The following NAV2 variants were observed in gnomAD, a reference collection of about 807,000 sequenced individuals.
NAV2 encodes the protein helicase, APC down-regulated 1.
A neutral mutation model predicts 223.2 loss-of-function variants in NAV2; 54 were observed. The observed-to-expected ratio is 0.24, with a 90% confidence interval of 0.19 to 0.30. NAV2 has a LOEUF of 0.30. NAV2 is among the 10% of genes least tolerant of loss of function. The pLI is 1.00. For missense variants in NAV2, 2,806 were observed against 3,147.5 expected, an observed-to-expected ratio of 0.89 and a Z score of 2.60; for synonymous variants, 1,279 against 1,239.3, an observed-to-expected ratio of 1.03 and a Z score of -0.67.
rs569836209 is a variant in NAV2, at chr11:20,085,191, T to C, written c.5498+2012T>C. Among the ~76,000 whole-genome samples the C allele has an allele frequency of 5.1e-4, 39 of 76,410 alleles. No individual in the cohort carries two copies. In the East Asian group the frequency reaches 0.028, roughly 54 times the overall value. 50.1% of individuals were successfully genotyped at this position (76,410 alleles called of 152,430 possible). The stretch of plus-strand genomic sequence containing the variant: ...GGGTGACAGAGTAAGGCCATGTCTC[T>C]ATTTAAAAAAAAAAAAAAAGTTAAA... On this transcript the variant is annotated intron_variant, in intron 26 of 37. Coordinates refer to ENST00000349880, the MANE Select transcript of NAV2 (RefSeq NM_145117.5).
chr11:19,915,331 G>T (rs2043710164), intron 6 of NAV2, among the ~76,000 whole-genome samples: 1 of 152,168 alleles, frequency 6.6e-6, no homozygotes, highest in Non-Finnish European at 1.5e-5. Context: ...ATTGTAGCCA[G>T]GTAAACTTCC....
At chr11:19,624,257 A>G (rs2047096221) in intron 1 of NAV2, among the ~76,000 whole-genome samples, 2 of 152,140 alleles carry the variant, frequency 1.3e-5, no homozygotes, top group Non-Finnish European at 1.5e-5. Flanking sequence ...TCAGATTTCA[A>G]ACTCCATGCT....
At chr11:19,640,643 T>C (rs1019227971) in intron 1 of NAV2, among the ~76,000 whole-genome samples, 9 of 152,100 alleles carry the variant, frequency 5.9e-5, no homozygotes, top group African/African-American at 2.2e-4. Context: ...GGAAAAGAGA[T>C]GTGGTTCTAG....
At chr11:19,416,076 T>A (rs1319790527) in intron 1 of NAV2, among the ~76,000 whole-genome samples, 1 of 152,158 alleles carries the variant, frequency 6.6e-6, no homozygotes, top group East Asian at 1.9e-4. Flanking sequence ...TTCAACATAT[T>A]ATTGGAAGTT....
chr11:19,905,555 C>G (rs568380228), intron 6 of NAV2, among the ~76,000 whole-genome samples: 28 of 152,304 alleles, frequency 1.8e-4, no homozygotes, highest in Non-Finnish European at 3.1e-4. Context: ...TTTCTGTATA[C>G]TAGAGACTCA....
chr11:20,089,278 ACC>A (rs1404881787), intron 26 of NAV2, among the ~76,000 whole-genome samples: 1 of 152,220 alleles, frequency 6.6e-6, no homozygotes, highest in Non-Finnish European at 1.5e-5. Context: ...AGGTGGTTTT[ACC>A]GTGTCTCTCA....
chr11:19,971,420 C>T (rs1301925828), intron 10 of NAV2, among the ~76,000 whole-genome samples: 2 of 151,978 alleles, frequency 1.3e-5, no homozygotes, highest in African/African-American at 4.8e-5. Context: ...GGGTTTGGGA[C>T]CTATTTTGCA....
chr11:19,456,320 C>T (rs903091579), intron 1 of NAV2, among the ~76,000 whole-genome samples: 3 of 152,322 alleles, frequency 2.0e-5, no homozygotes, highest in East Asian at 1.9e-4. Context: ...TGCACAGTCA[C>T]TGTTTCATTG....
Position 19,892,516 on chromosome 11 carries a change from C to T in NAV2, c.853C>T (p.Arg285Cys), listed in dbSNP as rs200244681. Residue 285 changes from arginine (R) to cysteine (C), a missense_variant, in exon 6 of 38, where the codon CGC becomes TGC. Arg to Cys is a radical substitution (Grantham distance 180, BLOSUM62 -3). This residue lies in a region of NAV2 where 1,167 missense variants were observed against 1,180.5 expected (regional missense o/e 0.99). Coordinates refer to ENST00000349880, the MANE Select transcript of NAV2 (RefSeq NM_145117.5). ...AGGGTCAACTACTGCTAACAACCGA[C>T]GCAGCCAGAGCTTTAACAACTATGA... ...RGGSTTANNR[R>C]SQSFNNYDKS... is the part of the protein sequence containing the mutation. 2.1e-4 allele frequency: 346 copies of T among 1,614,220 alleles called. 1 individual carries two copies. The highest frequency in any genetic ancestry group is 2.4e-4 in the Non-Finnish European group (286 of 1,180,032).
chr11:19,651,256 C>T (rs983899286), intron 1 of NAV2, among the ~76,000 whole-genome samples: 9 of 152,146 alleles, frequency 5.9e-5, no homozygotes, highest in South Asian at 2.1e-4. Flanking sequence ...AGCTAATCTC[C>T]AGGGAGAACG....
At chr11:19,935,555 T>C (rs1470422521) in intron 7 of NAV2, among the ~76,000 whole-genome samples, 2 of 152,184 alleles carry the variant, frequency 1.3e-5, no homozygotes, top group Non-Finnish European at 2.9e-5. Flanking sequence ...CTGAGCTGTG[T>C]TCTAGTGGTC....
intron 6 of NAV2, among the ~76,000 whole-genome samples, chr11:19,932,865 T>TAATTGAAA (rs1187208837): frequency 1.3e-5 from 2 of 152,254 alleles, no homozygotes; most frequent in African/African-American, 4.8e-5. Context: ...AGGTATTTCC[T>TAATTGAAA]ACTCTCTCCT....
Position 20,064,691 on chromosome 11 carries a change from G to A in NAV2, c.4884+2332G>A, listed in dbSNP as rs115911465. On this transcript the variant is annotated intron_variant, in intron 20 of 37. Transcript: ENST00000349880. ...TAGCTGTTGTTCTGGGTATGGGGACGTGAAGATACTGTTTTCATGAAATTT... is the reference window on the plus strand; with the variant it reads ...TAGCTGTTGTTCTGGGTATGGGGACATGAAGATACTGTTTTCATGAAATTT... Among the ~76,000 whole-genome samples the A allele has an allele frequency of 7.2e-3, 1,101 of 152,306 alleles. 11 individuals carry two copies. The highest frequency in any genetic ancestry group is 0.025 in the African/African-American group (1,059 of 41,554).
At chr11:19,562,431 ATACT>A (rs1276110312) in intron 1 of NAV2, among the ~76,000 whole-genome samples, 1 of 152,152 alleles carries the variant, frequency 6.6e-6, no homozygotes, top group Non-Finnish European at 1.5e-5. Flanking sequence ...GCAGGATAAG[ATACT>A]TACAATAAAC....
intron 1 of NAV2, among the ~76,000 whole-genome samples, chr11:19,416,481 G>A (rs1850374210): frequency 6.6e-6 from 1 of 152,118 alleles, no homozygotes; most frequent in Non-Finnish European, 1.5e-5. Flanking sequence ...CCATGCTCAT[G>A]GATAGGAAGA....
chr11:19,827,059 A>G (rs901890040), intron 1 of NAV2, among the ~76,000 whole-genome samples: 6 of 152,150 alleles, frequency 3.9e-5, no homozygotes, highest in Admixed American at 6.5e-5. Context: ...GATGGGGGAC[A>G]GGCATTGGAA....
chr11:19,986,357 C>T (rs183063262), intron 11 of NAV2, among the ~76,000 whole-genome samples: 5 of 152,320 alleles, frequency 3.3e-5, no homozygotes, highest in East Asian at 1.9e-4. Context: ...TGGTGGCTCA[C>T]GCCTGTAATC....
chr11:19,489,536 A>G (rs2042554507), intron 1 of NAV2, among the ~76,000 whole-genome samples: 1 of 152,224 alleles, frequency 6.6e-6, no homozygotes, highest in African/African-American at 2.4e-5. Context: ...AATGAGGGTC[A>G]CAGTCTCTGA....
intron 1 of NAV2, among the ~76,000 whole-genome samples, chr11:19,515,914 G>A (rs991140194): frequency 1.3e-5 from 2 of 152,244 alleles, no homozygotes; most frequent in Admixed American, 1.3e-4. Context: ...GTTTCAGCCT[G>A]AGCAACTAGA....
Sources: allele counts gnomAD v4.1 joint callset (sites outside exome capture counted in the v4.1 genomes callset), GRCh38; gene constraint gnomAD v4.1.1; regional missense constraint gnomAD v4.1.1; transcripts MANE v1.5; gene names NCBI Gene and HGNC (gene_info 2026-07-23, HGNC 2026-07-21).